FLII: variants seen among roughly 807,000 people sequenced by gnomAD.
FLII encodes protein flightless-1 homolog.
A neutral mutation model predicts 156.2 loss-of-function variants in FLII; 101 were observed. The observed-to-expected ratio is 0.65, with a 90% CI of 0.55 to 0.76. The LOEUF is 0.76. Ranked by LOEUF, FLII falls within the 30% of genes least tolerant of loss-of-function variation. The pLI is 0.00. For missense variants in FLII, 1,675 were observed against 1,682.8 expected, an observed-to-expected ratio of 1.00 and a Z score of 0.08; for synonymous variants, 767 against 685.8, an observed-to-expected ratio of 1.12 and a Z score of -1.85.
In FLII at chr17:18,247,840, A is replaced by G. The variant is rs780122907; in HGVS notation, c.2304T>C (p.Ser768=). Residue 768 remains serine, a synonymous_variant, in exon 20 of 30, where the codon AGT becomes AGC. Transcript: ENST00000327031. The part of the protein sequence containing the change: ...ELMPRMRLLQ[S]LLDTRCVYIL... ...TGTACACGCAGCGCGTGTCCAGCAG[A>G]CTCTGCAGCTGCGGACCGGGAGTCT... 2 of 1,613,788 alleles carry G rather than the reference A, an allele frequency of 1.2e-6. No homozygotes were observed. The highest frequency in any genetic ancestry group is 8.5e-7 in the Non-Finnish European group (1 of 1,179,948).
rs200281027 is a variant in FLII at position 18,254,618 on chromosome 17, C to T, written c.478G>A (p.Glu160Lys). The T allele has an allele frequency of 1.4e-5, 22 of 1,613,848 alleles. No individual in the cohort carries two copies. The highest frequency in any genetic ancestry group is 1.7e-5 in the Admixed American group (1 of 59,992). ...GGGGGCAGGCTCTCCAGGCGGTTCTCGCTGAGGTCCAGGTATAGTAGGTCA... is the reference window on the plus strand; with the variant it reads ...GGGGGCAGGCTCTCCAGGCGGTTCTTGCTGAGGTCCAGGTATAGTAGGTCA... Reference protein sequence around the residue: ...LTDLLYLDLSENRLESLPPQM... With the variant: ...LTDLLYLDLSKNRLESLPPQM... Residue 160 changes from glutamate to lysine, a missense_variant, in exon 6 of 30, where the codon GAG becomes AAG. By Grantham distance (56) the Glu-to-Lys change is moderately conservative. Transcript: ENST00000327031.
At chr17:18,247,479 C>A in intron 20 of FLII, 122 bp from the exon 21 acceptor site, 3 of 1,116,034 alleles carry the variant, frequency 2.7e-6, no homozygotes, top group Non-Finnish European at 3.8e-6. Flanking sequence ...GGCGGGGCCT[C>A]GGACACGGAG....
At position 18,245,963 on chromosome 17, in the gene FLII, T is replaced by C. The variant is rs1419526533; in HGVS notation, c.3367A>G (p.Thr1123Ala). ...EAKLAEDILN[T>A]MFDTSYSKQV... ...TTGCTGTAGGAGGTGTCAAACATGG[T>C]GTTCAGGATGTCTTCTGCCAACTTG... Residue 1123 changes from threonine to alanine, a missense_variant, in exon 26 of 30, where the codon ACC (threonine) becomes GCC (alanine). Transcript: ENST00000327031. 6 of 1,613,870 alleles carry C rather than the reference T, an allele frequency of 3.7e-6. No individual in the cohort carries two copies. Among genetic ancestry groups the C allele is most frequent in the Non-Finnish European group, 2.5e-6 (3 of 1,179,974 alleles).
At position 18,246,844 on chromosome 17, in the gene FLII, G is replaced by A. The variant is rs1187564830; in HGVS notation, c.2817-16C>T. ...CACCCAGTACCTGCCGGGTTGGAAG[G>A]TTGTGAGCAGGGGCTCGAGCCCCCA... is the stretch of plus-strand genomic sequence containing the variant. On this transcript the variant is annotated splice_polypyrimidine_tract_variant and intron_variant, in intron 22 of 29. Coordinates refer to ENST00000327031, the MANE Select transcript of FLII (RefSeq NM_002018.4). 1.2e-6 allele frequency: 2 copies of A among 1,614,016 alleles called. No homozygotes were observed. The highest frequency in any genetic ancestry group is 1.7e-6 in the Non-Finnish European group (2 of 1,179,942).
Position 18,258,159 on chromosome 17 carries a change from ATC to A in FLII, c.63+467_63+468del, listed in dbSNP as rs1337136070. On this transcript the variant is annotated intron_variant, in intron 1 of 29. Transcript: ENST00000327031. The surrounding 1 kb of genome is among the most constrained non-coding windows in gnomAD (Gnocchi z 4.2). ...AGCCTAGGCTCTGAGAGGGGAAGTG[ATC>A]TGAGAGGCCCAGGATCACACAGTAT... Among the ~76,000 whole-genome samples the A allele has an allele frequency of 5.9e-5, 9 of 152,246 alleles. No homozygotes were observed. Among genetic ancestry groups the A allele is most frequent in the Admixed American group, 5.9e-4 (9 of 15,292 alleles).
At chr17:18,252,705 CAA>C in intron 9 of FLII, 149 bp from the exon 10 acceptor site, 1 of 657,256 alleles carries the variant, frequency 1.5e-6, no homozygotes, top group Non-Finnish European at 2.7e-6. Context: ...TTCTCAGAGC[CAA>C]GAGACCATGT....
In FLII at chr17:18,258,235, C is replaced by A. The variant is rs535296010; in HGVS notation, c.63+393G>T. On this transcript the variant is annotated intron_variant, in intron 1 of 29. Coordinates refer to ENST00000327031, the MANE Select transcript of FLII (RefSeq NM_002018.4). This position sits in a 1 kb window ranked among gnomAD's most constrained non-coding sequence, Gnocchi z 4.2. ...GGGCAGTGATGAGTCGGCTCCACAC[C>A]CGCCCCTGGGCAGCCGGGCAGCCAT... 6.6e-6 allele frequency among the ~76,000 whole-genome samples: 1 copy of A among 152,370 alleles called. No individual in the cohort carries two copies. The highest frequency in any genetic ancestry group is 2.1e-4 in the South Asian group (1 of 4,832).
rs759225231 is a variant in FLII, at chr17:18,253,531, G to T, written c.855+13C>A. ...CCTTCCTCCCATCCCCCTACTGAGG[G>T]CCTCAGACGCACGGGCAGTGAGGTG... On this transcript the variant is annotated intron_variant, in intron 8 of 29. Coordinates refer to ENST00000327031, the MANE Select transcript of FLII (RefSeq NM_002018.4). The T allele has an allele frequency of 8.7e-6, 14 of 1,613,004 alleles. No homozygotes were observed. The South Asian group carries it at 1.3e-4, about 15-fold the overall frequency.
chr17:18,256,515 C>T lies in FLII; in HGVS notation c.246+11G>A. Reference sequence around the variant, plus strand: ...AACCCCAAGCTCGGTGGCCTCCCGGCCAGCACTCACGCGCAGCGATGGCAG... The same window carrying T: ...AACCCCAAGCTCGGTGGCCTCCCGGTCAGCACTCACGCGCAGCGATGGCAG... On this transcript the variant is annotated intron_variant, in intron 3 of 29. Transcript: ENST00000327031. The T allele has an allele frequency of 6.4e-7, 1 of 1,550,754 alleles. No individual in the cohort carries two copies. Among genetic ancestry groups the T allele is most frequent in the Non-Finnish European group, 8.7e-7 (1 of 1,146,404 alleles).
In FLII at chr17:18,255,185, G is replaced by T; in HGVS notation, c.325C>A (p.Leu109Met). Residue 109 changes from leucine (L) to methionine (M), a missense_variant and splice_region_variant, in exon 4 of 30, where the codon CTG (leucine) becomes ATG (methionine). Coordinates refer to ENST00000327031, the MANE Select transcript of FLII (RefSeq NM_002018.4). ...DIFKLDDLSVLDLSHNQLTEC... is the reference protein window; with the variant it reads ...DIFKLDDLSVMDLSHNQLTEC... The stretch of plus-strand genomic sequence containing the variant: ...CAGGTGAGTGGGTAGCCACTGACCA[G>T]GACTGAGAGATCATCTAGCTTGAAG... The T allele has an allele frequency of 6.2e-7, 1 of 1,613,048 alleles. No individual in the cohort carries two copies. The highest frequency in any genetic ancestry group is 1.7e-5 in the Admixed American group (1 of 60,022).
rs2142885728 is a variant in FLII, at chr17:18,258,402, C to T, written c.63+226G>A. On this transcript the variant is annotated intron_variant, in intron 1 of 29. Transcript: ENST00000327031. This position sits in a 1 kb window ranked among gnomAD's most constrained non-coding sequence, Gnocchi z 4.2. ...GCCGGGCCCCCGGCGGGACTCCGAG[C>T]CCAAGCGTCCGTCCCCGGCCTGCCC... The T allele has an allele frequency of 7.5e-7, 1 of 1,332,052 alleles. No homozygotes were observed. Among genetic ancestry groups the T allele is most frequent in the Non-Finnish European group, 1.0e-6 (1 of 987,288 alleles). 82.5% of individuals were successfully genotyped at this position (1,332,052 alleles called of 1,614,324 possible). A position where few individuals can be genotyped will look rare whatever the true frequency, so the allele number is the denominator to read the frequency against.
chr17:18,247,406 G>A (rs199876220), intron 20 of FLII, 49 bp from the exon 21 acceptor site: 342 of 1,515,736 alleles, frequency 2.3e-4, no homozygotes, highest in Non-Finnish European at 2.9e-4. Context: ...CATGATTAGA[G>A]TTGGAGGAAG....
chr17:18,251,781 T>G lies in FLII; in HGVS notation c.1282A>C (p.Met428Leu). The change falls in exon 12 of 30, where the codon ATG becomes CTG. Residue 428 changes from methionine to leucine, a missense_variant. By Grantham distance (15) the Met-to-Leu change is conservative (BLOSUM62 2). Coordinates refer to ENST00000327031, the MANE Select transcript of FLII (RefSeq NM_002018.4). ...SGPKDPMARK[M>L]RLRRRKDSAQ... is the part of the protein sequence containing the mutation. The stretch of plus-strand genomic sequence containing the variant: ...GAATCCTTGCGCCTCCGCAGTCGCA[T>G]CTTGCGAGCCATAGGGTCCTTGGGC... 1 of 1,613,648 alleles carries G rather than the reference T, an allele frequency of 6.2e-7. No individual in the cohort carries two copies. The highest frequency in any genetic ancestry group is 2.2e-5 in the East Asian group (1 of 44,886).
intron 16 of FLII, 114 bp from the exon 17 acceptor site, chr17:18,248,997 G>A: frequency 1.4e-6 from 2 of 1,380,292 alleles, no homozygotes; most frequent in Non-Finnish European, 2.1e-6. Context: ...GTAAGCCCCA[G>A]GGACCCCCCG....
At position 18,254,514 on chromosome 17, in the gene FLII, C is replaced by G; in HGVS notation, c.575+7G>C. On this transcript the variant is annotated splice_region_variant and intron_variant, in intron 6 of 29. Transcript: ENST00000327031. ...TCTGCAGGAGTGCGGTCCGAGGGGG[C>G]GCCCACCGGAGCTGTGCATGCAGCA... is the stretch of plus-strand genomic sequence containing the variant. The G allele has an allele frequency of 1.2e-6, 2 of 1,602,540 alleles. No homozygotes were observed. Among genetic ancestry groups the G allele is most frequent in the Non-Finnish European group, 1.7e-6 (2 of 1,175,890 alleles).
Position 18,245,743 on chromosome 17 carries a change from C to T in FLII, c.3503+1G>A. ...GGGGAGGGTCAGGGCCCTGGCCTCA[C>T]CGGAAGAGACGTGTGTGTTTCATGT... On this transcript the variant is annotated splice_donor_variant, in intron 27 of 29. Coordinates refer to ENST00000327031, the MANE Select transcript of FLII (RefSeq NM_002018.4). LOFTEE classifies it high-confidence loss of function. The T allele has an allele frequency of 6.2e-7, 1 of 1,613,730 alleles. No homozygotes were observed. The highest frequency in any genetic ancestry group is 8.5e-7 in the Non-Finnish European group (1 of 1,179,738).
In FLII at chr17:18,246,350, C is replaced by A; in HGVS notation, c.3164G>T (p.Ser1055Ile). 6.2e-7 allele frequency: 1 copy of A among 1,613,906 alleles called. No individual in the cohort carries two copies. The highest frequency in any genetic ancestry group is 1.6e-4 in the Middle Eastern group (1 of 6,062). ...RKAVQGAQQP[S>I]LYQIRTNGSA... Reference sequence around the variant, plus strand: ...GCCGTTGGTGCGGATCTGGTAGAGGCTGGGCTGTTGGGCGCCCTGGACCGC... The same window carrying A: ...GCCGTTGGTGCGGATCTGGTAGAGGATGGGCTGTTGGGCGCCCTGGACCGC... Residue 1055 changes from serine to isoleucine, a missense_variant, in exon 24 of 30, where the codon AGC becomes ATC. Ser to Ile is a moderately radical substitution (Grantham distance 142, BLOSUM62 -2). This residue lies in a region of FLII where 1,332 missense variants were observed against 1,269.3 expected (regional missense o/e 1.05). Coordinates refer to ENST00000327031, the MANE Select transcript of FLII (RefSeq NM_002018.4).
chr17:18,247,399 G>C (rs1567707660), intron 20 of FLII, 42 bp from the exon 21 acceptor site: 1 of 1,546,534 alleles, frequency 6.5e-7, no homozygotes, highest in East Asian at 2.3e-5. Context: ...GGTGCGGCAT[G>C]ATTAGAGTTG....
chr17:18,245,330 C>G, intron 29 of FLII, 24 bp downstream of exon 29: 1 of 1,614,120 alleles, frequency 6.2e-7, no homozygotes, highest in South Asian at 1.1e-5. Flanking sequence ...AGGCCCACCT[C>G]GGCCCTCCCT....
Sources: gnomAD v4.1 joint callset for allele counts (sites outside exome capture counted in the v4.1 genomes callset) on GRCh38, gnomAD v4.1.1 for gene constraint, gnomAD v4.1.1 regional missense constraint, Gnocchi (gnomAD v3.1) non-coding constraint, MANE v1.5 for transcripts, NCBI Gene and HGNC (gene_info 2026-07-23, HGNC 2026-07-21) for gene names.